Variants in TSPAN5 observed in about 807,000 individuals in gnomAD.
TSPAN5 encodes tetraspanin 5.
A neutral mutation model predicts 37.1 loss-of-function variants in TSPAN5; 10 were observed. That is an observed-to-expected ratio of 0.27 (90% CI 0.17 to 0.46). The LOEUF is 0.46. Ranked by LOEUF, TSPAN5 falls within the 20% of genes least tolerant of loss-of-function variation. The pLI is 1.00. For synonymous variants in TSPAN5, 110 were observed against 118.9 expected, an observed-to-expected ratio of 0.93 and a Z score of 0.48; for missense variants, 195 against 326.6, an observed-to-expected ratio of 0.60 and a Z score of 3.11.
intron 1 of TSPAN5, among the ~76,000 whole-genome samples, chr4:98,558,849 A>T (rs1207980399): frequency 1.3e-5 from 2 of 152,208 alleles, no homozygotes; most frequent in Non-Finnish European, 2.9e-5. Flanking sequence ...GTCTTTAGAC[A>T]ACAAATTGAA....
chr4:98,478,764 A>C lies in TSPAN5; in HGVS notation c.497T>G (p.Ile166Ser). The change falls in exon 5 of 8, where the codon ATT becomes AGT. Residue 166 changes from isoleucine (I) to serine (S), a missense_variant. Physicochemically the swap from Ile to Ser is moderately radical, Grantham distance 142. Transcript: ENST00000305798. Reference protein sequence around the residue: ...AFGADDWNLNIYFNCTDSNAS... With the variant: ...AFGADDWNLNSYFNCTDSNAS... ...ATTGGAATCTGTGCAATTGAAGTAA[A>C]TATTTAGGTTCCAATCATCAGCTCC... is the stretch of plus-strand genomic sequence containing the variant. The C allele has an allele frequency of 1.9e-6, 3 of 1,614,114 alleles. No homozygotes were observed. Among genetic ancestry groups the C allele is most frequent in the Non-Finnish European group, 2.5e-6 (3 of 1,180,022 alleles).
chr4:98,525,363 C>T (rs1753938243), intron 1 of TSPAN5, among the ~76,000 whole-genome samples: 1 of 152,162 alleles, frequency 6.6e-6, no homozygotes, highest in African/African-American at 2.4e-5. Flanking sequence ...ACTCTGGTTT[C>T]CTCCCACATC....
At chr4:98,654,722 T>C (rs1328504666) in intron 1 of TSPAN5, among the ~76,000 whole-genome samples, 3 of 152,246 alleles carry the variant, frequency 2.0e-5, no homozygotes, top group Admixed American at 1.3e-4. Flanking sequence ...GTAATTCTAA[T>C]AATAAAAATA....
intron 2 of TSPAN5, among the ~76,000 whole-genome samples, chr4:98,500,591 G>A (rs1306380789): frequency 6.6e-6 from 1 of 152,118 alleles, no homozygotes; most frequent in African/African-American, 2.4e-5. Context: ...TCTGTGCCTT[G>A]GTTTCCCCAC....
At chr4:98,601,796 G>A (rs1294486836) in intron 1 of TSPAN5, among the ~76,000 whole-genome samples, 1 of 152,104 alleles carries the variant, frequency 6.6e-6, no homozygotes, top group Non-Finnish European at 1.5e-5. Flanking sequence ...GTCTATCTCA[G>A]TTCTCACCAT....
intron 1 of TSPAN5, among the ~76,000 whole-genome samples, chr4:98,557,058 G>A (rs2110163133): frequency 6.6e-6 from 1 of 152,186 alleles, no homozygotes; most frequent in African/African-American, 2.4e-5. Context: ...TGACTAAACA[G>A]AAAATCTGGA....
At chr4:98,547,835 C>T (rs896675696) in intron 1 of TSPAN5, among the ~76,000 whole-genome samples, 3 of 151,584 alleles carry the variant, frequency 2.0e-5, no homozygotes, top group African/African-American at 7.3e-5. Context: ...GGTGAAACCC[C>T]GTCTCTACTA....
At chr4:98,556,609 TA>T (rs999628842) in intron 1 of TSPAN5, among the ~76,000 whole-genome samples, 7 of 152,224 alleles carry the variant, frequency 4.6e-5, no homozygotes, top group Non-Finnish European at 1.0e-4. Flanking sequence ...ATTTTTCTGT[TA>T]ACATTCTTTT....
chr4:98,562,913 G>A (rs1159753105), intron 1 of TSPAN5, among the ~76,000 whole-genome samples: 1 of 152,082 alleles, frequency 6.6e-6, no homozygotes, highest in Non-Finnish European at 1.5e-5. Context: ...GTGTCCAAAA[G>A]GTAGCTTACA....
At chr4:98,557,935 G>A (rs771401955) in intron 1 of TSPAN5, among the ~76,000 whole-genome samples, 17 of 152,094 alleles carry the variant, frequency 1.1e-4, no homozygotes, top group African/African-American at 3.9e-4. Context: ...AAAGGTCTAC[G>A]AAACTGTCAC....
chr4:98,655,079 T>C (rs910541387), intron 1 of TSPAN5, among the ~76,000 whole-genome samples: 4 of 152,186 alleles, frequency 2.6e-5, no homozygotes, highest in African/African-American at 9.7e-5. Flanking sequence ...TTTCCTGAAC[T>C]TGTGATCCGT....
chr4:98,541,709 A>AGAGAGG (rs1351839005), intron 1 of TSPAN5, among the ~76,000 whole-genome samples: 11 of 147,620 alleles, frequency 7.5e-5, no homozygotes, highest in Non-Finnish European at 1.2e-4. Context: ...AGAGAGAGAG[A>AGAGAGG]GAGAAGGAAA....
At chr4:98,628,093 C>A (rs1329268200) in intron 1 of TSPAN5, among the ~76,000 whole-genome samples, 1 of 152,146 alleles carries the variant, frequency 6.6e-6, no homozygotes, top group Non-Finnish European at 1.5e-5. Context: ...TGGTTAACGA[C>A]CTCCTTAACT....
intron 3 of TSPAN5, chr4:98,483,809 T>C (rs890055577): frequency 6.6e-6 from 1 of 152,454 alleles, no homozygotes; most frequent in African/African-American, 2.4e-5. Context: ...TTATCATCAG[T>C]GATGCCAATA....
At chr4:98,652,627 C>T (rs1757214242) in intron 1 of TSPAN5, among the ~76,000 whole-genome samples, 1 of 152,204 alleles carries the variant, frequency 6.6e-6, no homozygotes, top group African/African-American at 2.4e-5. Flanking sequence ...CCTTGACATG[C>T]TCTTCAACAC....
At chr4:98,480,500 G>A (rs1047782647) in intron 4 of TSPAN5, among the ~76,000 whole-genome samples, 10 of 152,174 alleles carry the variant, frequency 6.6e-5, no homozygotes, top group Admixed American at 2.0e-4. Flanking sequence ...ACTTCCCTGG[G>A]ATGCACTTTC....
At chr4:98,564,594 T>C (rs1461970719) in intron 1 of TSPAN5, among the ~76,000 whole-genome samples, 1 of 152,196 alleles carries the variant, frequency 6.6e-6, no homozygotes, top group African/African-American at 2.4e-5. Context: ...TGCCCCAAAT[T>C]GAAATGAGGG....
intron 1 of TSPAN5, among the ~76,000 whole-genome samples, chr4:98,549,292 G>GGTTTTTTTTTTTTTTTTTTT (rs1560532920): frequency 6.8e-6 from 1 of 147,114 alleles, no homozygotes; most frequent in African/African-American, 2.6e-5. Context: ...TTGTTTGTTT[G>GGTTTTTTTTTTTTTTTTTTT]TTTGTTTTTG....
At chr4:98,542,572 C>T (rs368667178) in intron 1 of TSPAN5, among the ~76,000 whole-genome samples, 3 of 151,982 alleles carry the variant, frequency 2.0e-5, no homozygotes, top group South Asian at 2.1e-4. Context: ...CTTAAAAATT[C>T]GCCAGGCACA....
Sources: gnomAD v4.1 joint callset for allele counts (sites outside exome capture counted in the v4.1 genomes callset) on GRCh38, gnomAD v4.1.1 for gene constraint, MANE v1.5 for transcripts, NCBI Gene and HGNC (gene_info 2026-07-23, HGNC 2026-07-21) for gene names.